The following EVI5 variants were observed in gnomAD, a reference collection of about 807,000 sequenced individuals.
EVI5 encodes ecotropic viral integration site 5 protein homolog.
Under a neutral mutation model 112.0 loss-of-function variants are expected in EVI5, and 73 were observed. The ratio of observed to expected loss-of-function variants is 0.65; its 90% CI spans 0.54 to 0.79. EVI5 has a LOEUF of 0.79. Among genes scored for constraint, EVI5 ranks in the 30% least tolerant of loss-of-function variants. EVI5 has a pLI of 0.00. For missense variants in EVI5, 900 were observed against 968.8 expected, an observed-to-expected ratio of 0.93 and a Z score of 0.94; for synonymous variants, 305 against 319.9, an observed-to-expected ratio of 0.95 and a Z score of 0.50.
rs148466110 is a variant in EVI5, at chr1:92,528,063, G to A, written c.2167-14093C>T. Among the ~76,000 whole-genome samples the A allele has an allele frequency of 6.6e-5, 10 of 152,282 alleles. No homozygotes were observed. The East Asian group carries it at 1.9e-3, about 29-fold the overall frequency. ...GTAATAGGCTCCTTACTTTTTGCAAGAGAACTTTTACCTTACCTTCTGCCT... is the reference window on the plus strand; with the variant it reads ...GTAATAGGCTCCTTACTTTTTGCAAAAGAACTTTTACCTTACCTTCTGCCT... On this transcript the variant is annotated intron_variant, in intron 19 of 19. Coordinates refer to ENST00000684568, the MANE Select transcript of EVI5 (RefSeq NM_001350197.2).
chr1:92,561,031 C>CTCT (rs1394191764), intron 19 of EVI5, among the ~76,000 whole-genome samples: 4 of 152,152 alleles, frequency 2.6e-5, no homozygotes, highest in South Asian at 2.1e-4. Context: ...ATAGATGTGG[C>CTCT]TCTTCTAGCT....
At chr1:92,787,050 A>G (rs75902059), upstream of EVI5, among the ~76,000 whole-genome samples, 4,228 of 152,250 alleles carry the variant, frequency 0.028, 175 homozygotes, top group African/African-American at 0.088. Flanking sequence ...TTCACATCGC[A>G]TGAAACTGTA....
chr1:92,650,705 C>T (rs76255410), intron 13 of EVI5, among the ~76,000 whole-genome samples: 3,723 of 151,562 alleles, frequency 0.025, 171 homozygotes, highest in African/African-American at 0.085. Context: ...TTTTCTTTTT[C>T]CTGATTAAAT....
intron 19 of EVI5, among the ~76,000 whole-genome samples, chr1:92,536,711 T>C (rs1446934883): frequency 6.6e-6 from 1 of 152,208 alleles, no homozygotes; most frequent in Non-Finnish European, 1.5e-5. Flanking sequence ...TAAATGTAGG[T>C]TCTTTATAAG....
intron 13 of EVI5, among the ~76,000 whole-genome samples, chr1:92,651,242 A>C (rs1026893190): frequency 6.6e-6 from 1 of 152,258 alleles, no homozygotes; most frequent in Non-Finnish European, 1.5e-5. Flanking sequence ...TATAGGACTA[A>C]GGAAAATACA....
intron 18 of EVI5, among the ~76,000 whole-genome samples, chr1:92,604,405 A>G (rs1400496498): frequency 6.6e-6 from 1 of 151,926 alleles, no homozygotes; most frequent in African/African-American, 2.4e-5. Flanking sequence ...ATATTAGCTT[A>G]GGCCTACACA....
chr1:92,520,626 G>C (rs1034898435), intron 19 of EVI5, among the ~76,000 whole-genome samples: 2 of 152,020 alleles, frequency 1.3e-5, no homozygotes, highest in African/African-American at 2.4e-5. Context: ...TAAGGCGGGT[G>C]AATCACTTGA....
chr1:92,644,240 C>T (rs1000095050), intron 13 of EVI5, among the ~76,000 whole-genome samples: 5 of 152,026 alleles, frequency 3.3e-5, no homozygotes, highest in Non-Finnish European at 5.9e-5. Flanking sequence ...TGATTTAAAG[C>T]AAAAAGAAGT....
chr1:92,789,648 T>C (rs1052360652), upstream of EVI5, among the ~76,000 whole-genome samples: 4 of 152,152 alleles, frequency 2.6e-5, no homozygotes, highest in African/African-American at 7.2e-5. Flanking sequence ...ATTCAAAGTT[T>C]TCTATGTTCT....
At chr1:92,635,786 T>C (rs781428430) in intron 14 of EVI5, among the ~76,000 whole-genome samples, 41 of 152,188 alleles carry the variant, frequency 2.7e-4, no homozygotes, top group Non-Finnish European at 5.3e-4. Flanking sequence ...TTCAGCTATC[T>C]TGGCTCCACC....
At chr1:92,614,215 GT>G (rs1652525329) in intron 16 of EVI5, among the ~76,000 whole-genome samples, 1 of 152,142 alleles carries the variant, frequency 6.6e-6, no homozygotes, top group Non-Finnish European at 1.5e-5. Context: ...AAGGAAAAAT[GT>G]GCCCATTTCC....
chr1:92,565,270 C>T (rs74622422), intron 18 of EVI5, among the ~76,000 whole-genome samples: 11 of 152,160 alleles, frequency 7.2e-5, no homozygotes, highest in South Asian at 2.1e-4. Flanking sequence ...TACATGCACA[C>T]GTTTATCCAT....
At chr1:92,514,949 G>A (rs903982583) in intron 19 of EVI5, among the ~76,000 whole-genome samples, 2 of 152,298 alleles carry the variant, frequency 1.3e-5, no homozygotes, top group East Asian at 3.9e-4. Context: ...CACTTACTGT[G>A]GGAGAGGAAT....
At chr1:92,786,877 C>T (rs1315593199), upstream of EVI5, among the ~76,000 whole-genome samples, 1 of 152,198 alleles carries the variant, frequency 6.6e-6, no homozygotes, top group Non-Finnish European at 1.5e-5. Flanking sequence ...CCACGCTAGC[C>T]TCTTTTATTC....
intron 2 of EVI5, among the ~76,000 whole-genome samples, chr1:92,735,606 A>G (rs910407443): frequency 1.4e-5 from 2 of 145,778 alleles, no homozygotes; most frequent in African/African-American, 5.0e-5. Context: ...TATATTATGT[A>G]TTATATATAA....
chr1:92,738,608 AAAAGCAC>A (rs1677834813), intron 1 of EVI5, among the ~76,000 whole-genome samples: 1 of 152,184 alleles, frequency 6.6e-6, no homozygotes, highest in African/African-American at 2.4e-5. Flanking sequence ...TGAAATAATC[AAAAGCAC>A]AATTCTGACA....
At chr1:92,665,819 C>T in intron 11 of EVI5, 120 bp downstream of exon 11, 1 of 602,482 alleles carries the variant, frequency 1.7e-6, no homozygotes, top group Non-Finnish European at 2.9e-6. Flanking sequence ...GGTAAGCAAG[C>T]TAAGCAGTCA....
chr1:92,621,731 C>T (rs1375022047), intron 16 of EVI5, among the ~76,000 whole-genome samples: 1 of 152,180 alleles, frequency 6.6e-6, no homozygotes, highest in Non-Finnish European at 1.5e-5. Flanking sequence ...TATCAGACTG[C>T]ATTTTAAAAA....
chr1:92,589,079 G>T (rs1374420890), intron 18 of EVI5, among the ~76,000 whole-genome samples: 2 of 152,172 alleles, frequency 1.3e-5, no homozygotes, highest in Non-Finnish European at 2.9e-5. Context: ...CAGGTAAGAT[G>T]GCATTAACAG....
Sources: gnomAD v4.1 joint callset for allele counts (sites outside exome capture counted in the v4.1 genomes callset) on GRCh38, gnomAD v4.1.1 for gene constraint, MANE v1.5 for transcripts, NCBI Gene and HGNC (gene_info 2026-07-23, HGNC 2026-07-21) for gene names.